The following GART variants were observed in gnomAD, a reference collection of about 807,000 sequenced individuals.
GART encodes trifunctional purine biosynthetic protein adenosine-3.
In GART, 43 loss-of-function variants were observed where a neutral mutation model predicts 107.2. The ratio of observed to expected loss-of-function variants is 0.40; its 90% confidence interval spans 0.31 to 0.52. The LOEUF (loss-of-function observed/expected upper bound fraction) is 0.52, where lower values mean the gene tolerates loss of function less well. Among genes scored for constraint, GART ranks in the 20% least tolerant of loss-of-function variants. The pLI, the probability that GART is intolerant of heterozygous loss-of-function variation, is 0.52. For missense variants in GART, 1,107 were observed against 1,206.5 expected, an observed-to-expected ratio of 0.92 and a Z score of 1.22; for synonymous variants, 434 against 427.0, an observed-to-expected ratio of 1.02 and a Z score of -0.20.
At chr21:33,511,923 C>T (rs2084791738) in intron 16 of GART, among the ~76,000 whole-genome samples, 1 of 152,120 alleles carries the variant, frequency 6.6e-6, no homozygotes, top group African/African-American at 2.4e-5. Context: ...CGGATCAACA[C>T]CCTCTCCCTC....
rs557744103 is a variant in GART, at chr21:33,542,075, T to G, written c.-52A>C. On this transcript the variant is annotated 5_prime_UTR_variant, in exon 1 of 22. Transcript: ENST00000381815. ...AGGGGGTTTACGCACCGACACCGGGTGGCCACCTGGTTCCCGCTTGCCCGC... is the reference window on the plus strand; with the variant it reads ...AGGGGGTTTACGCACCGACACCGGGGGGCCACCTGGTTCCCGCTTGCCCGC... The G allele has an allele frequency of 6.6e-6, 1 of 152,296 alleles. No individual in the cohort carries two copies. Among genetic ancestry groups the G allele is most frequent in the East Asian group, 1.9e-4 (1 of 5,182 alleles). The allele number at this position is 152,296 out of a possible 1,614,324, so 9.4% of individuals were successfully genotyped here.
At chr21:33,515,642 G>C (rs530612975) in intron 16 of GART, among the ~76,000 whole-genome samples, 15 of 94,962 alleles carry the variant, frequency 1.6e-4, no homozygotes, top group African/African-American at 6.2e-4. Flanking sequence ...GACAGAGCAA[G>C]ACTCCAACTC....
intron 2 of GART, among the ~76,000 whole-genome samples, chr21:33,537,066 G>C (rs758022515): frequency 1.7e-4 from 26 of 152,144 alleles, no homozygotes; most frequent in Non-Finnish European, 3.1e-4. Flanking sequence ...TAGTGGTTCT[G>C]AACACAACTA....
rs2085116469 is a variant in GART, at chr21:33,528,491, C to T, written c.897+28G>A. The T allele has an allele frequency of 3.2e-6, 5 of 1,561,144 alleles. No individual in the cohort carries two copies. In the Middle Eastern group the frequency reaches 5.1e-4, roughly 159 times the overall value. On this transcript the variant is annotated intron_variant, in intron 9 of 21. Coordinates refer to ENST00000381815, the MANE Select transcript of GART (RefSeq NM_000819.5). ...GATTAAAATACCACATATCTTCTAC[C>T]AAGTAATACTTTGATATTTTTACCC... is the stretch of plus-strand genomic sequence containing the variant.
intron 2 of GART, among the ~76,000 whole-genome samples, chr21:33,536,725 G>T (rs2085312386): frequency 6.6e-6 from 1 of 152,166 alleles, no homozygotes; most frequent in Non-Finnish European, 1.5e-5. Context: ...CATGCACTGA[G>T]ATAATATGAT....
chr21:33,513,641 T>A (rs967656113), intron 16 of GART, among the ~76,000 whole-genome samples: 1 of 152,200 alleles, frequency 6.6e-6, no homozygotes, highest in African/African-American at 2.4e-5. Context: ...CCATTTATAG[T>A]AGCTGGGAAA....
At chr21:33,538,201 G>A (rs560198702) in intron 2 of GART, among the ~76,000 whole-genome samples, 2 of 134,774 alleles carry the variant, frequency 1.5e-5, no homozygotes, top group Admixed American at 8.8e-5. Flanking sequence ...CTGAGATCAC[G>A]CTACTGCACT....
In GART at chr21:33,521,150, G is replaced by GC. The variant is rs1389443541; in HGVS notation, c.1394-136_1394-135insG. ...TACTTCTGGAAGAAATAGATGATTG[G>GC]AACAGCTGTTCTCAGAGATGACATA... On this transcript the variant is annotated intron_variant, in intron 12 of 21. Transcript: ENST00000381815. The GC allele has an allele frequency of 1.9e-5, 12 of 643,958 alleles. No homozygotes were observed. In the Admixed American group the frequency reaches 3.5e-4, roughly 19 times the overall value. The allele number at this position is 643,958 out of a possible 1,614,324, so 39.9% of individuals were successfully genotyped here. A position where few individuals can be genotyped will look rare whatever the true frequency, so the allele number is the denominator to read the frequency against.
In GART at chr21:33,528,547, T is replaced by C. The variant is rs1458149320; in HGVS notation, c.869A>G (p.Asn290Ser). Residue 290 changes from asparagine to serine, a missense_variant, in exon 9 of 22, where the codon AAT becomes AGT. Asn to Ser is a conservative substitution (Grantham distance 46, BLOSUM62 1). Transcript: ENST00000381815. ...GCACTCTGGATCACCAAAACGGCAATTAAACTCTAGAACTTTTGGGCCATT... is the reference window on the plus strand; with the variant it reads ...GCACTCTGGATCACCAAAACGGCAACTAAACTCTAGAACTTTTGGGCCATT... ...TKNGPKVLEF[N>S]CRFGDPECQV... The C allele has an allele frequency of 1.9e-6, 3 of 1,610,018 alleles. No individual in the cohort carries two copies. The highest frequency in any genetic ancestry group is 4.5e-5 in the East Asian group (2 of 44,826).
At chr21:33,515,270 CA>C (rs1049364158) in intron 16 of GART, among the ~76,000 whole-genome samples, 2 of 152,176 alleles carry the variant, frequency 1.3e-5, no homozygotes, top group African/African-American at 4.8e-5. Flanking sequence ...TAAACTCCCT[CA>C]GTTTCTACTC....
rs1020415154 is a variant in GART at position 33,516,929 on chromosome 21, G to A, written c.2107+60C>T. The A allele has an allele frequency of 3.1e-5, 44 of 1,428,638 alleles. No homozygotes were observed. In the African/African-American group the frequency reaches 4.7e-4, roughly 15 times the overall value. The allele number at this position is 1,428,638 out of a possible 1,614,324, so 88.5% of individuals were successfully genotyped here. A position where few individuals can be genotyped will look rare whatever the true frequency, so the allele number is the denominator to read the frequency against. On this transcript the variant is annotated intron_variant, in intron 16 of 21. Transcript: ENST00000381815. ...TACATTAACTACCCATAGTTTTCTC[G>A]CACAATGCATTTTTTTCCTCAGCAA... is the stretch of plus-strand genomic sequence containing the variant.
At chr21:33,508,697 A>G (rs915798062) in intron 18 of GART, among the ~76,000 whole-genome samples, 1 of 151,672 alleles carries the variant, frequency 6.6e-6, no homozygotes, top group African/African-American at 2.4e-5. Flanking sequence ...TTGTATTTTT[A>G]GTGGAGACAG....
At chr21:33,532,211 G>A (rs1447225992) in intron 5 of GART, 134 bp downstream of exon 5, 4 of 673,512 alleles carry the variant, frequency 5.9e-6, no homozygotes, top group Non-Finnish European at 1.1e-5. Context: ...TATAATACAT[G>A]GGATTATAAA....
intron 5 of GART, chr21:33,532,084 G>A: frequency 7.2e-6 from 3 of 416,908 alleles, no homozygotes; most frequent in Non-Finnish European, 1.3e-5. Flanking sequence ...ATATGTTCTA[G>A]AGTCTGAGGA....
chr21:33,518,719 A>T, intron 14 of GART: 1 of 444,872 alleles, frequency 2.2e-6, no homozygotes. Flanking sequence ...TCCTTACAAG[A>T]TCTAGAACTT....
Position 33,522,215 on chromosome 21 carries a change from G to C in GART, c.1366C>G (p.Pro456Ala), listed in dbSNP as rs919102329. The C allele has an allele frequency of 1.9e-6, 3 of 1,613,710 alleles. No individual in the cohort carries two copies. The highest frequency in any genetic ancestry group is 1.3e-5 in the African/African-American group (1 of 74,904). Residue 456 changes from proline (P) to alanine (A), a missense_variant, in exon 12 of 22, where the codon CCT becomes GCT. Physicochemically the swap from Pro to Ala is conservative, Grantham distance 27. Transcript: ENST00000381815. Reference sequence around the variant, plus strand: ...GATCTGGAAGTGGCTTTTGCTAAAGGCTGAATTTTCTTGACCAGCATATTT... The same window carrying C: ...GATCTGGAAGTGGCTTTTGCTAAAGCCTGAATTTTCTTGACCAGCATATTT... ...AGNMLVKKIQ[P>A]LAKATSRSGC... is the part of the protein sequence containing the mutation.
chr21:33,532,403 C>A lies in GART; in HGVS notation c.470G>T (p.Gly157Val), dbSNP rs773540860. Residue 157 changes from glycine (G) to valine (V), a missense_variant, in exon 5 of 22, where the codon GGG (glycine) becomes GTG (valine). Gly to Val is a moderately radical substitution (Grantham distance 109, BLOSUM62 -3). Transcript: ENST00000381815. ...TTCTTTGCTCTTTGCAACAATCACCCCTTTTCCAGCTGCAAGACCACTGGC... is the reference window on the plus strand; with the variant it reads ...TTCTTTGCTCTTTGCAACAATCACCACTTTTCCAGCTGCAAGACCACTGGC... ...VKASGLAAGK[G>V]VIVAKSKEEA... 14 of 1,613,968 alleles carry A rather than the reference C, an allele frequency of 8.7e-6. No individual in the cohort carries two copies. The highest frequency in any genetic ancestry group is 1.2e-5 in the Non-Finnish European group (14 of 1,180,026).
chr21:33,536,976 C>A (rs985215880), intron 2 of GART, among the ~76,000 whole-genome samples: 4 of 152,122 alleles, frequency 2.6e-5, no homozygotes, highest in African/African-American at 9.7e-5. Context: ...TGTATAGGGT[C>A]CAAGTCCAGA....
At chr21:33,524,240 A>G (rs974077332) in intron 11 of GART, 5 of 985,654 alleles carry the variant, frequency 5.1e-6, no homozygotes, top group Admixed American at 6.1e-5. Context: ...ACACTATGTG[A>G]TAACGCAAGG....
Sources: allele counts gnomAD v4.1 joint callset (sites outside exome capture counted in the v4.1 genomes callset), GRCh38; gene constraint gnomAD v4.1.1; transcripts MANE v1.5; gene names NCBI Gene and HGNC (gene_info 2026-07-23, HGNC 2026-07-21).